PCDH15: variants seen among roughly 807,000 people sequenced by gnomAD.
The protein encoded by PCDH15 is protocadherin-15.
Under a neutral mutation model 178.5 loss-of-function variants are expected in PCDH15, and 129 were observed. That is an observed-to-expected ratio of 0.72 (90% CI 0.63 to 0.84). PCDH15 has a LOEUF of 0.84. Ranked by LOEUF, PCDH15 falls within the 40% of genes least tolerant of loss-of-function variation. The probability of loss-of-function intolerance (pLI) is 0.00; values close to 1 mark genes in which losing one functional copy is unlikely to be tolerated. For missense variants in PCDH15, 2,230 were observed against 2,099.9 expected (o/e 1.06, Z -1.21); for synonymous variants, 800 against 732.0 (o/e 1.09, Z -1.50).
chr10:55,031,109 C>A (rs1840599332), intron 2 of PCDH15, among the ~76,000 whole-genome samples: 1 of 152,026 alleles, frequency 6.6e-6, no homozygotes, highest in African/African-American at 2.4e-5. Context: ...TTTGTTTATA[C>A]CTGCCTTGTA....
At chr10:55,599,144 T>C (rs1375566083) in intron 2 of PCDH15, among the ~76,000 whole-genome samples, 1 of 152,102 alleles carries the variant, frequency 6.6e-6, no homozygotes, top group Non-Finnish European at 1.5e-5. Flanking sequence ...TTAACTAGAA[T>C]AAACTTCACA....
At chr10:55,525,798 T>C (rs2132170375) in intron 2 of PCDH15, among the ~76,000 whole-genome samples, 1 of 152,032 alleles carries the variant, frequency 6.6e-6, no homozygotes, top group South Asian at 2.1e-4. Context: ...TAAATCTGTC[T>C]TCATAATTTT....
intron 2 of PCDH15, among the ~76,000 whole-genome samples, chr10:55,137,102 T>A (rs1838215387): frequency 6.6e-6 from 1 of 152,226 alleles, no homozygotes; most frequent in Non-Finnish European, 1.5e-5. Context: ...TGTTATATAG[T>A]ACTCTCAAAT....
intron 25 of PCDH15, among the ~76,000 whole-genome samples, chr10:53,904,355 A>G (rs1253993742): frequency 6.6e-6 from 1 of 152,096 alleles, no homozygotes; most frequent in Non-Finnish European, 1.5e-5. Context: ...CTCCTGTACA[A>G]TTTTAAGTAA....
chr10:54,422,270 T>C (rs1247486548), intron 3 of PCDH15, among the ~76,000 whole-genome samples: 4 of 152,056 alleles, frequency 2.6e-5, no homozygotes, highest in Non-Finnish European at 5.9e-5. Flanking sequence ...TTTTACAGGC[T>C]ATGTGATTGT....
At chr10:54,610,543 G>A (rs1237794729) in intron 2 of PCDH15, among the ~76,000 whole-genome samples, 1 of 151,880 alleles carries the variant, frequency 6.6e-6, no homozygotes, top group Non-Finnish European at 1.5e-5. Flanking sequence ...AGAGTTAAAT[G>A]TGTACTTGTC....
intron 9 of PCDH15, among the ~76,000 whole-genome samples, chr10:54,233,098 T>G (rs757130101): frequency 2.6e-5 from 4 of 151,770 alleles, no homozygotes; most frequent in African/African-American, 9.7e-5. Flanking sequence ...TGCACACCAC[T>G]ATGCCCAGCT....
intron 8 of PCDH15, among the ~76,000 whole-genome samples, chr10:54,276,842 CAAAA>C (rs2058376959): frequency 6.6e-6 from 1 of 151,390 alleles, no homozygotes; most frequent in South Asian, 2.1e-4. Context: ...CACAAATTAA[CAAAA>C]TAAATAGTGC....
chr10:55,091,400 T>A (rs188331883), intron 2 of PCDH15, among the ~76,000 whole-genome samples: 111 of 152,038 alleles, frequency 7.3e-4, no homozygotes, highest in African/African-American at 2.3e-3. Flanking sequence ...TTTCTATAGT[T>A]TTCCCATACC....
At chr10:54,413,946 A>G (rs1953943638) in intron 3 of PCDH15, among the ~76,000 whole-genome samples, 1 of 152,106 alleles carries the variant, frequency 6.6e-6, no homozygotes, top group Admixed American at 6.6e-5. Context: ...TGATGATTAC[A>G]CTGGACATTT....
intron 2 of PCDH15, among the ~76,000 whole-genome samples, chr10:54,623,224 A>C (rs1335114788): frequency 6.6e-6 from 1 of 152,054 alleles, no homozygotes; most frequent in Admixed American, 6.6e-5. Flanking sequence ...TAATGAAGTA[A>C]AACTCTTGTC....
At chr10:54,055,108 T>G (rs149570614) in intron 18 of PCDH15, among the ~76,000 whole-genome samples, 1 of 152,276 alleles carries the variant, frequency 6.6e-6, no homozygotes, top group East Asian at 1.9e-4. Context: ...GAAGGAAACA[T>G]CATTTTTTTA....
At chr10:55,602,640 C>A (rs1843114851) in intron 2 of PCDH15, among the ~76,000 whole-genome samples, 1 of 152,030 alleles carries the variant, frequency 6.6e-6, no homozygotes, top group Non-Finnish European at 1.5e-5. Flanking sequence ...TGACACCTCA[C>A]ACAGCAGGGT....
rs550481057 is a variant in PCDH15 at position 55,010,212 on chromosome 10, T to TAATA, written c.-79-112716_-79-112713dup. 4.3e-3 allele frequency among the ~76,000 whole-genome samples: 659 copies of TAATA among 151,890 alleles called. 2 individuals carry two copies. The highest frequency in any genetic ancestry group is 7.0e-3 in the Non-Finnish European group (478 of 67,914). On this transcript the variant is annotated intron_variant, in intron 2 of 5. Transcript: ENST00000458638. ...AGTAAAAAACTAAAAAAGGAAGAAA[T>TAATA]AATAAATAAATAAATAAATACATTG...
intron 3 of PCDH15, among the ~76,000 whole-genome samples, chr10:54,388,384 C>A (rs561490316): frequency 1.3e-5 from 2 of 152,312 alleles, no homozygotes; most frequent in African/African-American, 4.8e-5. Context: ...TCACGAAGAT[C>A]ATTAAGTAAG....
At position 54,197,124 on chromosome 10, in the gene PCDH15, C is replaced by T. The variant is rs1391934744; in HGVS notation, c.1099-1235G>A. ...AAATTTCATTGTAATGTTGTAGAAA[C>T]TGTGAATTGCAATATTATTTAACTA... On this transcript the variant is annotated intron_variant, in intron 10 of 37. Coordinates refer to ENST00000644397, the MANE Select transcript of PCDH15 (RefSeq NM_001384140.1). 5.9e-5 allele frequency among the ~76,000 whole-genome samples: 9 copies of T among 151,894 alleles called. 1 individual carries two copies. Among genetic ancestry groups the T allele is most frequent in the Admixed American group, 5.9e-4 (9 of 15,246 alleles).
chr10:54,113,709 G>A (rs192898464), intron 15 of PCDH15, among the ~76,000 whole-genome samples: 1 of 151,580 alleles, frequency 6.6e-6, no homozygotes, highest in Admixed American at 6.6e-5. Context: ...AAAGACAACT[G>A]TTGGGACAGC....
At chr10:55,590,478 T>C (rs2132131144) in intron 2 of PCDH15, among the ~76,000 whole-genome samples, 1 of 151,982 alleles carries the variant, frequency 6.6e-6, no homozygotes, top group East Asian at 1.9e-4. Flanking sequence ...TAAAATAAAA[T>C]TTAAAAAAAG....
intron 26 of PCDH15, among the ~76,000 whole-genome samples, chr10:53,883,174 C>CAT (rs58999942): frequency 0.77 from 116,939 of 151,778 alleles, 45,775 homozygotes; most frequent in East Asian, 1. Context: ...TATGCATACA[C>CAT]ATACATATGT....
Sources: gnomAD v4.1 joint callset for allele counts (sites outside exome capture counted in the v4.1 genomes callset) on GRCh38, gnomAD v4.1.1 for gene constraint, MANE v1.5 for transcripts, NCBI Gene and HGNC (gene_info 2026-07-23, HGNC 2026-07-21) for gene names.